Variants in PCDH7 observed in about 807,000 individuals in gnomAD.
The protein encoded by PCDH7 is protocadherin-7.
Under a neutral mutation model 58.9 loss-of-function variants are expected in PCDH7, and 17 were observed. The observed-to-expected ratio is 0.29, with a 90% CI of 0.20 to 0.43. PCDH7 has a LOEUF of 0.43. PCDH7 is among the 20% of genes least tolerant of loss of function. PCDH7 has a pLI of 1.00. For synonymous variants in PCDH7, 664 were observed against 616.4 expected (o/e 1.08, Z -1.14); for missense variants, 1,274 against 1,441.0 (o/e 0.88, Z 1.88).
intron 3 of PCDH7, among the ~76,000 whole-genome samples, chr4:30,983,879 G>T (rs1750765084): frequency 6.6e-6 from 1 of 152,162 alleles, no homozygotes; most frequent in African/African-American, 2.4e-5. Flanking sequence ...ATTTCCATTT[G>T]TCTGTTGATA....
chr4:30,903,895 T>TTTGACTATTTGATGATC (rs1329835081), intron 1 of PCDH7, among the ~76,000 whole-genome samples: 1 of 152,176 alleles, frequency 6.6e-6, no homozygotes, highest in Non-Finnish European at 1.5e-5. Flanking sequence ...AGTAAGACTA[T>TTTGACTATTTGATGATC]AAAGACTATT....
At chr4:30,754,251 T>C (rs1718984500) in intron 1 of PCDH7, among the ~76,000 whole-genome samples, 1 of 151,936 alleles carries the variant, frequency 6.6e-6, no homozygotes, top group Non-Finnish European at 1.5e-5. Context: ...CATGACTCAT[T>C]AGAAAATGTC....
intron 1 of PCDH7, among the ~76,000 whole-genome samples, chr4:30,788,263 T>C (rs185042545): frequency 6.6e-6 from 1 of 152,218 alleles, no homozygotes; most frequent in East Asian, 1.9e-4. Flanking sequence ...AACAAGATAG[T>C]GAATATTTAA....
intron 2 of PCDH7, among the ~76,000 whole-genome samples, chr4:30,937,242 A>T (rs1745469960): frequency 1.3e-5 from 2 of 152,142 alleles, no homozygotes; most frequent in South Asian, 4.1e-4. Context: ...AAAAAACTTT[A>T]GCTAAATGTG....
intron 3 of PCDH7, among the ~76,000 whole-genome samples, chr4:30,985,667 T>C (rs1313390562): frequency 2.0e-5 from 3 of 152,210 alleles, no homozygotes; most frequent in Admixed American, 2.0e-4. Flanking sequence ...ATAGTACTTA[T>C]CATAAAGTAG....
At chr4:30,734,607 C>T (rs1262141756), downstream of PCDH7, among the ~76,000 whole-genome samples, 2 of 152,124 alleles carry the variant, frequency 1.3e-5, no homozygotes, top group Non-Finnish European at 2.9e-5. Flanking sequence ...AATAAGTTCC[C>T]TGTCTTCATA....
chr4:31,106,986 C>G (rs1479611866), intron 3 of PCDH7, among the ~76,000 whole-genome samples: 1 of 152,156 alleles, frequency 6.6e-6, no homozygotes, highest in Non-Finnish European at 1.5e-5. Context: ...ATACTAATAA[C>G]TTTTACTTCT....
intron 1 of PCDH7, among the ~76,000 whole-genome samples, chr4:30,750,097 T>G (rs932466512): frequency 2.0e-5 from 3 of 152,312 alleles, no homozygotes; most frequent in East Asian, 1.9e-4. Flanking sequence ...CAACATATAC[T>G]TATTCTGCAT....
chr4:30,985,891 T>C (rs1378424353), intron 3 of PCDH7, among the ~76,000 whole-genome samples: 1 of 152,202 alleles, frequency 6.6e-6, no homozygotes, highest in Non-Finnish European at 1.5e-5. Context: ...TCAAATTTTA[T>C]CTCTTTTGGT....
intron 3 of PCDH7, among the ~76,000 whole-genome samples, chr4:30,998,550 T>G (rs1434366177): frequency 6.6e-6 from 1 of 152,008 alleles, no homozygotes; most frequent in Non-Finnish European, 1.5e-5. Flanking sequence ...TGACATCACC[T>G]GGCCAAAAAT....
Position 31,012,600 on chromosome 4 carries a change from G to A in PCDH7, c.*7+62385G>A, listed in dbSNP as rs1404608510. On this transcript the variant is annotated intron_variant, in intron 3 of 3. Transcript: ENST00000509759. ...TAACTTCAGATAAGATCTCTCTATA[G>A]AAGAAAAAAATTAACACTTGCATTA... 2.0e-5 allele frequency among the ~76,000 whole-genome samples: 3 copies of A among 150,382 alleles called. 1 individual carries two copies. In the East Asian group the frequency reaches 6.5e-4, roughly 33 times the overall value.
chr4:31,005,209 G>A (rs537810832), intron 3 of PCDH7, among the ~76,000 whole-genome samples: 1 of 152,186 alleles, frequency 6.6e-6, no homozygotes, highest in African/African-American at 2.4e-5. Context: ...TTGAGGTTAT[G>A]AGGAACTGAG....
chr4:30,745,243 A>ATCTTGTTTT (rs1299433911), intron 1 of PCDH7, among the ~76,000 whole-genome samples: 2 of 119,992 alleles, frequency 1.7e-5, no homozygotes, highest in Non-Finnish European at 3.9e-5. Context: ...ATATTTTTAC[A>ATCTTGTTTT]TCTTGTTTTT....
chr4:30,934,689 T>C (rs2109429823), intron 2 of PCDH7, among the ~76,000 whole-genome samples: 1 of 152,276 alleles, frequency 6.6e-6, no homozygotes, highest in South Asian at 2.1e-4. Context: ...TATATTTGAG[T>C]CATTTTTGAC....
chr4:30,814,116 A>T (rs781442176), intron 1 of PCDH7, among the ~76,000 whole-genome samples: 1 of 152,216 alleles, frequency 6.6e-6, no homozygotes, highest in East Asian at 1.9e-4. Flanking sequence ...ATATTTACAG[A>T]TAGGTAACAT....
intron 1 of PCDH7, among the ~76,000 whole-genome samples, chr4:30,846,889 C>G (rs561011557): frequency 1.1e-3 from 170 of 151,890 alleles, no homozygotes; most frequent in Non-Finnish European, 1.8e-3. Flanking sequence ...TTTGGAAGGC[C>G]GAGACAGAAG....
chr4:30,889,606 G>C (rs1578182932), intron 1 of PCDH7, among the ~76,000 whole-genome samples: 1 of 152,142 alleles, frequency 6.6e-6, no homozygotes, highest in East Asian at 1.9e-4. Context: ...AAACCCATCA[G>C]AGTTCTAGAG....
At chr4:30,824,557 G>A (rs1210801301) in intron 1 of PCDH7, among the ~76,000 whole-genome samples, 5 of 152,064 alleles carry the variant, frequency 3.3e-5, no homozygotes. Flanking sequence ...GAAGGACAAA[G>A]GAGTGATATT....
Position 31,097,185 on chromosome 4 carries a change from G to A in PCDH7, c.*8-45288G>A, listed in dbSNP as rs973725531. Among the ~76,000 whole-genome samples the A allele has an allele frequency of 1.1e-4, 17 of 152,106 alleles. 1 individual carries two copies. Among genetic ancestry groups the A allele is most frequent in the Admixed American group, 3.3e-4 (5 of 15,256 alleles). Reference sequence around the variant, plus strand: ...CTTCTATCTTTAAGTGTCTGGGCGCGGTGGCTCACACCTGCAATCCCAGCA... The same window carrying A: ...CTTCTATCTTTAAGTGTCTGGGCGCAGTGGCTCACACCTGCAATCCCAGCA... On this transcript the variant is annotated intron_variant, in intron 3 of 3. Transcript: ENST00000509759.
Sources: gnomAD v4.1 joint callset for allele counts (sites outside exome capture counted in the v4.1 genomes callset) on GRCh38, gnomAD v4.1.1 for gene constraint, MANE v1.5 for transcripts, NCBI Gene and HGNC (gene_info 2026-07-23, HGNC 2026-07-21) for gene names.